Variants in CATSPERG observed in about 807,000 individuals in gnomAD.
CATSPERG encodes catsper channel auxiliary subunit gamma, also known as cation channel sperm-associated auxiliary subunit gamma.
In CATSPERG, 115 loss-of-function variants were observed where a neutral mutation model predicts 145.0. The observed-to-expected ratio is 0.79, with a 90% CI of 0.68 to 0.93. The LOEUF (loss-of-function observed/expected upper bound fraction) is 0.93, where lower values mean the gene tolerates loss of function less well. Among genes scored for constraint, CATSPERG ranks in the 40% least tolerant of loss-of-function variants. The pLI is 0.00. For missense variants in CATSPERG, 1,296 were observed against 1,490.1 expected (o/e 0.87, Z 2.14); for synonymous variants, 588 against 589.0 (o/e 1.00, Z 0.02).
intron 4 of CATSPERG, 113 bp downstream of exon 4, chr19:38,343,837 C>T (rs777781274): frequency 7.0e-5 from 99 of 1,409,686 alleles, no homozygotes; most frequent in Non-Finnish European, 8.3e-5. Context: ...GAGCTCAGCA[C>T]ATTCCATGGC....
chr19:38,352,263 G>A lies in CATSPERG; in HGVS notation c.828G>A (p.Leu276=), dbSNP rs1278626291. The A allele has an allele frequency of 1.9e-6, 3 of 1,551,362 alleles. No homozygotes were observed. Among genetic ancestry groups the A allele is most frequent in the East Asian group, 2.4e-5 (1 of 40,910 alleles). Residue 276 remains leucine, a splice_region_variant and synonymous_variant, in exon 8 of 29, where the codon CTG becomes CTA. Transcript: ENST00000409235. ...TSFKDFSLVE[L]SIDSCWVGSF... ...CACTAGCCTCTGCTCCCCTGCAGCT[G>A]AGCATTGACAGTTGCTGGGTGGGCT...
intron 9 of CATSPERG, 87 bp downstream of exon 9, chr19:38,354,934 T>G: frequency 1.4e-6 from 2 of 1,470,686 alleles, no homozygotes; most frequent in Non-Finnish European, 1.8e-6. Context: ...CCTCACTCAT[T>G]ACCATGTGCC....
chr19:38,344,419 C>T (rs143341460), intron 6 of CATSPERG, 51 bp downstream of exon 6: 90 of 1,480,756 alleles, frequency 6.1e-5, no homozygotes, highest in East Asian at 1.5e-4. Flanking sequence ...CTTAGGCTGA[C>T]GCCCTGGTTA....
intron 22 of CATSPERG, 49 bp from the exon 23 acceptor site, chr19:38,367,106 GC>G (rs748320582): frequency 6.4e-7 from 1 of 1,558,282 alleles, no homozygotes; most frequent in Non-Finnish European, 8.7e-7. Flanking sequence ...CCCTCCAGGG[GC>G]CTGAGGAGAC....
chr19:38,341,697 T>G (rs1227435501), intron 3 of CATSPERG, among the ~76,000 whole-genome samples: 5 of 150,802 alleles, frequency 3.3e-5, no homozygotes. Context: ...AGTTCAGGAG[T>G]TCGAGACTAG....
At position 38,336,093 on chromosome 19, in the gene CATSPERG, G is replaced by A. The variant is rs549919566; in HGVS notation, c.-15+218G>A. On this transcript the variant is annotated intron_variant, in intron 1 of 28. Coordinates refer to ENST00000409235, the MANE Select transcript of CATSPERG (RefSeq NM_021185.5). Reference sequence around the variant, plus strand: ...GGGAGCCGAACGTGAAGGGCGAAGGGCGGGGCGGGGCAGGAGAGTCGGGGT... The same window carrying A: ...GGGAGCCGAACGTGAAGGGCGAAGGACGGGGCGGGGCAGGAGAGTCGGGGT... 62 of 419,368 alleles carry A rather than the reference G, an allele frequency of 1.5e-4. 1 individual carries two copies. The Middle Eastern group carries it at 2.5e-3, about 17-fold the overall frequency. 26.0% of individuals were successfully genotyped at this position (419,368 alleles called of 1,614,324 possible).
chr19:38,370,549 C>T lies in CATSPERG; in HGVS notation c.3237C>T (p.Gly1079=), dbSNP rs1970529226. ...AGGTGTCAGCTAGCGTGTTTGTGGG[C>T]CTGGTGATCTTCTACATCGCCTTCT... ...IIMVSASVFV[G]LVIFYIAFCL... Residue 1079 remains glycine, a synonymous_variant, in exon 29 of 29, where the codon GGC becomes GGT. Transcript: ENST00000409235. 1.2e-6 allele frequency: 2 copies of T among 1,614,064 alleles called. No individual in the cohort carries two copies. The highest frequency in any genetic ancestry group is 1.7e-6 in the Non-Finnish European group (2 of 1,180,030).
chr19:38,338,678 A>G (rs1969885814), intron 3 of CATSPERG, among the ~76,000 whole-genome samples: 1 of 152,096 alleles, frequency 6.6e-6, no homozygotes, highest in South Asian at 2.1e-4. Flanking sequence ...GCGCCACCAC[A>G]CCAGCACGGG....
At position 38,367,518 on chromosome 19, in the gene CATSPERG, C is replaced by A. The variant is rs1970473666; in HGVS notation, c.2780C>A (p.Pro927His). 5 of 1,613,948 alleles carry A rather than the reference C, an allele frequency of 3.1e-6. No homozygotes were observed. The highest frequency in any genetic ancestry group is 4.2e-6 in the Non-Finnish European group (5 of 1,179,988). Residue 927 changes from proline to histidine, a missense_variant, in exon 24 of 29, where the codon CCC (proline) becomes CAC (histidine). Transcript: ENST00000409235. The stretch of plus-strand genomic sequence containing the variant: ...CCCTCCAACCCCATAGTTTTCTACC[C>A]CTTCTTCTTGATTCAAGATTTGGTG... ...PCFLFRDIFY[P>H]FFLIQDLVTG...
chr19:38,365,299 C>A, intron 22 of CATSPERG, 182 bp downstream of exon 22: 1 of 609,460 alleles, frequency 1.6e-6, no homozygotes, highest in Non-Finnish European at 2.9e-6. Flanking sequence ...TTCTTTAAGA[C>A]GGAGTTTCAC....
rs554333709 is a variant in CATSPERG at position 38,358,042 on chromosome 19, G to T, written c.1316-236G>T. 9 of 515,816 alleles carry T rather than the reference G, an allele frequency of 1.7e-5. No homozygotes were observed. The South Asian group carries it at 2.2e-4, about 13-fold the overall frequency. The allele number at this position is 515,816 out of a possible 1,614,324, so 32.0% of individuals were successfully genotyped here. ...CTGAGGTGGGAGGATCACTTGAACC[G>T]AGGAGGCAGAAGTTGCAGTGAGCTG... is the stretch of plus-strand genomic sequence containing the variant. On this transcript the variant is annotated intron_variant, in intron 11 of 28. Coordinates refer to ENST00000409235, the MANE Select transcript of CATSPERG (RefSeq NM_021185.5).
chr19:38,356,418 G>C (rs1421796267), intron 9 of CATSPERG, 66 bp from the exon 10 acceptor site: 1 of 1,509,196 alleles, frequency 6.6e-7, no homozygotes, highest in Non-Finnish European at 9.2e-7. Context: ...GGCAATCGGA[G>C]TTGGCTTGAT....
intron 13 of CATSPERG, among the ~76,000 whole-genome samples, chr19:38,358,771 G>C (rs1257865352): frequency 6.6e-6 from 1 of 152,186 alleles, no homozygotes; most frequent in Non-Finnish European, 1.5e-5. Flanking sequence ...AGCTGTGGGA[G>C]CCCTTTTCTT....
intron 17 of CATSPERG, 54 bp downstream of exon 17, chr19:38,361,915 A>T (rs935995720): frequency 7.0e-6 from 9 of 1,280,980 alleles, no homozygotes; most frequent in Non-Finnish European, 8.3e-6. Flanking sequence ...GGCAGCCGGG[A>T]GCTGGCTTAG....
At chr19:38,348,820 A>C (rs1970086996) in intron 7 of CATSPERG, among the ~76,000 whole-genome samples, 1 of 152,170 alleles carries the variant, frequency 6.6e-6, no homozygotes, top group Non-Finnish European at 1.5e-5. Context: ...GTTCAATGTG[A>C]ATTCAGGCAT....
chr19:38,360,353 G>A (rs1283819205), intron 14 of CATSPERG, 136 bp from the exon 15 acceptor site: 29 of 1,451,258 alleles, frequency 2.0e-5, no homozygotes, highest in Non-Finnish European at 2.2e-5. Context: ...GAAGGGGAGC[G>A]CCCTTGGTCC....
Position 38,354,755 on chromosome 19 carries a change from G to A in CATSPERG, c.1043G>A (p.Cys348Tyr). The A allele has an allele frequency of 6.2e-7, 1 of 1,614,206 alleles. No individual in the cohort carries two copies. The highest frequency in any genetic ancestry group is 8.5e-7 in the Non-Finnish European group (1 of 1,180,046). Residue 348 changes from cysteine (C) to tyrosine (Y), a missense_variant, in exon 9 of 29, where the codon TGC becomes TAC. Transcript: ENST00000409235. ...GCCAGCGAGTGCATCAAGAAGCTGTGCCCTGTGTATTTCCATAGCAATGGC... is the reference window on the plus strand; with the variant it reads ...GCCAGCGAGTGCATCAAGAAGCTGTACCCTGTGTATTTCCATAGCAATGGC... ...VLASECIKKL[C>Y]PVYFHSNGSE...
rs751556415 is a variant in CATSPERG at position 38,368,177 on chromosome 19, G to T, written c.3020+40G>T. On this transcript the variant is annotated intron_variant, in intron 26 of 28. Transcript: ENST00000409235. Reference sequence around the variant, plus strand: ...TGGCCCCTCTTGGCCCCCATCTGTCGGTAGTCCATTGGGCCCACCTATCCT... The same window carrying T: ...TGGCCCCTCTTGGCCCCCATCTGTCTGTAGTCCATTGGGCCCACCTATCCT... 10 of 1,572,994 alleles carry T rather than the reference G, an allele frequency of 6.4e-6. No homozygotes were observed. In the African/African-American group the frequency reaches 1.3e-4, roughly 21 times the overall value.
rs758542608 is a variant in CATSPERG at position 38,362,561 on chromosome 19, G to A, written c.2343G>A (p.Thr781=). The change falls in exon 19 of 29, where the codon ACG becomes ACA. Residue 781 remains threonine, a synonymous_variant. Transcript: ENST00000409235. ...FLSAQGHSFR[T]QSELGTAFQL... ...CGGCGCAGGGCCACTCGTTCCGGAC[G>A]CAGTCAGAACTCGGTCTGCGCGGGA... 5 of 1,613,884 alleles carry A rather than the reference G, an allele frequency of 3.1e-6. No homozygotes were observed. The highest frequency in any genetic ancestry group is 4.2e-6 in the Non-Finnish European group (5 of 1,180,028).
Sources: gnomAD v4.1 joint callset for allele counts (sites outside exome capture counted in the v4.1 genomes callset) on GRCh38, gnomAD v4.1.1 for gene constraint, MANE v1.5 for transcripts, NCBI Gene and HGNC (gene_info 2026-07-23, HGNC 2026-07-21) for gene names.